Variants in TRPM7 observed in about 807,000 individuals in gnomAD.
TRPM7 encodes LTRPC ion channel family member 7.
TRPM7 carries 134 observed loss-of-function variants against 229.7 expected under a neutral mutation model. The observed-to-expected ratio is 0.58, with a 90% CI of 0.51 to 0.67. TRPM7 has a LOEUF of 0.67. Ranked by LOEUF, TRPM7 falls within the 30% of genes least tolerant of loss-of-function variation. TRPM7 has a pLI of 0.00. For missense variants in TRPM7, 1,901 were observed against 2,210.0 expected (o/e 0.86, Z 2.80); for synonymous variants, 699 against 715.2 (o/e 0.98, Z 0.36).
chr15:50,619,202 G>GAA, intron 13 of TRPM7, among the ~76,000 whole-genome samples: 1 of 151,290 alleles, frequency 6.6e-6, no homozygotes, highest in East Asian at 1.9e-4. Context: ...TGGATGACCA[G>GAA]AAGCTCAACA....
chr15:50,655,447 AC>A (rs66479841), intron 3 of TRPM7, among the ~76,000 whole-genome samples: 10,693 of 131,252 alleles, frequency 0.081, 358 homozygotes, highest in Admixed American at 0.12. Context: ...GAAAAAAAAA[AC>A]AAAAAAACAA....
At chr15:50,638,936 C>G (rs1310932027) in intron 6 of TRPM7, among the ~76,000 whole-genome samples, 1 of 152,174 alleles carries the variant, frequency 6.6e-6, no homozygotes, top group African/African-American at 2.4e-5. Context: ...CCGCCTCAGC[C>G]TCCAAAGTGC....
intron 6 of TRPM7, 66 bp downstream of exon 6, chr15:50,639,358 C>A (rs181557733): frequency 7.7e-7 from 1 of 1,300,942 alleles, no homozygotes; most frequent in Non-Finnish European, 1.0e-6. Context: ...TAAACTGGCA[C>A]TATTCTTACT....
chr15:50,606,788 C>T (rs894716692), intron 20 of TRPM7, among the ~76,000 whole-genome samples: 4 of 152,114 alleles, frequency 2.6e-5, no homozygotes, highest in African/African-American at 7.2e-5. Flanking sequence ...CGTGAGCCAC[C>T]GCGCCTGGCC....
chr15:50,633,273 AT>A (rs2060791859), intron 8 of TRPM7, among the ~76,000 whole-genome samples: 1 of 152,200 alleles, frequency 6.6e-6, no homozygotes, highest in Non-Finnish European at 1.5e-5. Context: ...TTGTATAAAA[AT>A]AATTTGAAGA....
In TRPM7 at chr15:50,643,743, CTG is replaced by C. The variant is rs555901518; in HGVS notation, c.322-192_322-191del. On this transcript the variant is annotated intron_variant, in intron 4 of 38. Transcript: ENST00000646667. Reference sequence around the variant, plus strand: ...TGATTTTAAAGTTGAAAAAATCATTCTGTGAGATCTACAGAAATAGCGAAACT... The same window carrying C: ...TGATTTTAAAGTTGAAAAAATCATTCTGAGATCTACAGAAATAGCGAAACT... Among the ~76,000 whole-genome samples the C allele has an allele frequency of 3.5e-3, 535 of 152,222 alleles. 2 individuals carry two copies. Among genetic ancestry groups the C allele is most frequent in the African/African-American group, 0.012 (509 of 41,542 alleles).
Position 50,592,644 on chromosome 15 carries a change from GC to G in TRPM7, c.3609-19del, listed in dbSNP as rs1361116040. On this transcript the variant is annotated intron_variant, in intron 25 of 38. Coordinates refer to ENST00000646667, the MANE Select transcript of TRPM7 (RefSeq NM_017672.6). Reference sequence around the variant, plus strand: ...GTTCCACTCTGTAGGAGAGAAATAAGCTTTTTTTACAAATGTGAAAAAATAA... The same window carrying G: ...GTTCCACTCTGTAGGAGAGAAATAAGTTTTTTTACAAATGTGAAAAAATAA... 2 of 1,448,654 alleles carry G rather than the reference GC, an allele frequency of 1.4e-6. No homozygotes were observed. The highest frequency in any genetic ancestry group is 1.4e-5 in the African/African-American group (1 of 70,182). 89.7% of individuals were successfully genotyped at this position (1,448,654 alleles called of 1,614,324 possible).
rs1371036226 is a variant in TRPM7, at chr15:50,561,582, T to C, written c.*96A>G. On this transcript the variant is annotated 3_prime_UTR_variant, in exon 39 of 39. Transcript: ENST00000646667. ...TCAGCAAATTCAACTTGCATACACC[T>C]TTCTATATTACCAAACAATTTCCTC... 12 of 1,474,316 alleles carry C rather than the reference T, an allele frequency of 8.1e-6. No individual in the cohort carries two copies. The highest frequency in any genetic ancestry group is 1.4e-5 in the African/African-American group (1 of 70,342). 91.3% of individuals were successfully genotyped at this position (1,474,316 alleles called of 1,614,324 possible). A position where few individuals can be genotyped will look rare whatever the true frequency, so the allele number is the denominator to read the frequency against.
At chr15:50,628,063 T>C in intron 11 of TRPM7, 86 bp downstream of exon 11, 4 of 923,054 alleles carry the variant, frequency 4.3e-6, no homozygotes, top group Middle Eastern at 3.4e-4. Context: ...AAAGGTAAAA[T>C]GTCAAGTCAG....
intron 38 of TRPM7, among the ~76,000 whole-genome samples, chr15:50,563,734 CG>C (rs2053436396): frequency 6.6e-6 from 1 of 152,190 alleles, no homozygotes; most frequent in Non-Finnish European, 1.5e-5. Context: ...GCCCGACCCT[CG>C]GCCCACAGGC....
chr15:50,645,745 A>T (rs1339117606), intron 4 of TRPM7, among the ~76,000 whole-genome samples: 1 of 152,234 alleles, frequency 6.6e-6, no homozygotes, highest in Non-Finnish European at 1.5e-5. Flanking sequence ...TTAATACTAT[A>T]TTAGAGATAA....
chr15:50,605,180 A>G (rs2059889243), intron 20 of TRPM7, 36 bp from the exon 21 acceptor site: 2 of 1,514,340 alleles, frequency 1.3e-6, no homozygotes, highest in Non-Finnish European at 1.8e-6. Flanking sequence ...AAGTGTAATC[A>G]GTTTATTCCT....
intron 38 of TRPM7, among the ~76,000 whole-genome samples, chr15:50,567,721 CATG>C (rs1232787091): frequency 3.9e-5 from 6 of 151,964 alleles, no homozygotes; most frequent in Non-Finnish European, 8.8e-5. Flanking sequence ...AGAAAAACCA[CATG>C]ATCATACCAA....
chr15:50,648,942 A>G, intron 3 of TRPM7, 57 bp from the exon 4 acceptor site: 1 of 1,416,456 alleles, frequency 7.1e-7, no homozygotes, highest in Non-Finnish European at 9.5e-7. Context: ...TAATGAAAAA[A>G]TGGAATTAAA....
intron 4 of TRPM7, 47 bp downstream of exon 4, chr15:50,648,640 T>A: frequency 1.3e-6 from 2 of 1,510,802 alleles, no homozygotes; most frequent in Non-Finnish European, 1.8e-6. Context: ...TGATGTTTAT[T>A]ATTTAAATAA....
chr15:50,576,124 C>T (rs1190522619), intron 31 of TRPM7, among the ~76,000 whole-genome samples: 1 of 152,222 alleles, frequency 6.6e-6, no homozygotes, highest in Non-Finnish European at 1.5e-5. Flanking sequence ...TGCATTTAGA[C>T]ACCTACAAGT....
chr15:50,568,480 A>T (rs763902104), intron 38 of TRPM7, among the ~76,000 whole-genome samples: 1 of 152,188 alleles, frequency 6.6e-6, no homozygotes, highest in Non-Finnish European at 1.5e-5. Flanking sequence ...GCAATAATAA[A>T]AAACAAATTT....
intron 19 of TRPM7, among the ~76,000 whole-genome samples, chr15:50,608,370 C>A (rs546919539): frequency 2.1e-3 from 88 of 42,110 alleles, no homozygotes; most frequent in African/African-American, 8.8e-3. Context: ...TTATTTATTT[C>A]TAGACTTTTA....
intron 1 of TRPM7, among the ~76,000 whole-genome samples, chr15:50,670,249 C>T (rs2061959871): frequency 2.0e-5 from 3 of 152,158 alleles, no homozygotes; most frequent in South Asian, 2.1e-4. Flanking sequence ...AGGGGGGAAA[C>T]GTCAGAGGTG....
Sources: allele counts gnomAD v4.1 joint callset (sites outside exome capture counted in the v4.1 genomes callset), GRCh38; gene constraint gnomAD v4.1.1; transcripts MANE v1.5; gene names NCBI Gene and HGNC (gene_info 2026-07-23, HGNC 2026-07-21).